The following MDH1 variants were observed in gnomAD, a reference collection of about 807,000 sequenced individuals.
MDH1 encodes malate dehydrogenase, cytoplasmic.
In MDH1, 15 loss-of-function variants were observed where a neutral mutation model predicts 38.7. The observed-to-expected ratio is 0.39, with a 90% confidence interval of 0.26 to 0.60. MDH1 has a LOEUF of 0.60. Ranked by LOEUF, MDH1 falls within the 20% of genes least tolerant of loss-of-function variation. The pLI is 0.56. For synonymous variants in MDH1, 144 were observed against 143.6 expected, an observed-to-expected ratio of 1.00 and a Z score of -0.02; for missense variants, 368 against 405.2, an observed-to-expected ratio of 0.91 and a Z score of 0.79.
chr2:63,595,435 G>T lies in MDH1; in HGVS notation c.115G>T (p.Val39Leu), dbSNP rs756384692. 6.2e-7 allele frequency: 1 copy of T among 1,608,312 alleles called. No homozygotes were observed. Among genetic ancestry groups the T allele is most frequent in the Admixed American group, 1.7e-5 (1 of 60,006 alleles). Residue 39 changes from valine (V) to leucine (L), a missense_variant, in exon 3 of 9, where the codon GTG becomes TTG. Transcript: ENST00000233114. ...VFGKDQPIIL[V>L]LLDITPMMGV... is the part of the protein sequence containing the mutation. ...TGCTATTTGGTAGCCTATAATTCTT[G>T]TGCTGTTGGATATCACCCCCATGAT... is the stretch of plus-strand genomic sequence containing the variant.
chr2:63,594,558 G>C lies in MDH1; in HGVS notation c.74G>C (p.Gly25Ala). The change falls in exon 2 of 9, where the codon GGA becomes GCA. Residue 25 changes from glycine (G) to alanine (A), a missense_variant. By Grantham distance (60) the Gly-to-Ala change is moderately conservative. Transcript: ENST00000233114. ...GCATATTCACTGCTGTACAGTATTGGAAATGGATCTGTCTTTGGTAAAGAT... is the reference window on the plus strand; with the variant it reads ...GCATATTCACTGCTGTACAGTATTGCAAATGGATCTGTCTTTGGTAAAGAT... ...QIAYSLLYSI[G>A]NGSVFGKDQP... is the part of the protein sequence containing the mutation. 1 of 1,613,536 alleles carries C rather than the reference G, an allele frequency of 6.2e-7. No individual in the cohort carries two copies. Among genetic ancestry groups the C allele is most frequent in the Non-Finnish European group, 8.5e-7 (1 of 1,179,558 alleles).
At chr2:63,606,569 A>T (rs979190844) in intron 8 of MDH1, among the ~76,000 whole-genome samples, 3 of 152,138 alleles carry the variant, frequency 2.0e-5, no homozygotes, top group African/African-American at 7.2e-5. Context: ...AGTATTAGAG[A>T]CCTACAAATA....
At chr2:63,596,902 C>T (rs1175336730) in intron 3 of MDH1, among the ~76,000 whole-genome samples, 1 of 152,176 alleles carries the variant, frequency 6.6e-6, no homozygotes, top group Non-Finnish European at 1.5e-5. Flanking sequence ...CTCAGTGTCT[C>T]CATCTATAAA....
chr2:63,602,934 C>CTTTTGTT (rs1709452776), intron 5 of MDH1, among the ~76,000 whole-genome samples: 19 of 131,620 alleles, frequency 1.4e-4, no homozygotes, highest in Admixed American at 2.3e-4. Context: ...TTTAACCGTT[C>CTTTTGTT]TTTTTTTTTT....
At position 63,599,219 on chromosome 2, in the gene MDH1, A is replaced by G. The variant is rs758691412; in HGVS notation, c.425A>G (p.Lys142Arg). 2.0e-5 allele frequency: 32 copies of G among 1,613,722 alleles called. No individual in the cohort carries two copies. The highest frequency in any genetic ancestry group is 6.7e-5 in the African/African-American group (5 of 74,932). ...AATACCAACTGCCTGACTGCTTCCA[A>G]GTCAGCTCCATCCATCCCCAAGGAG... ...PANTNCLTAS[K>R]SAPSIPKENF... The change falls in exon 5 of 9, where the codon AAG (lysine) becomes AGG (arginine). Residue 142 changes from lysine to arginine, a missense_variant. Lys to Arg is a conservative substitution (Grantham distance 26). Transcript: ENST00000233114.
intron 1 of MDH1, chr2:63,589,999 G>C (rs1157958507): frequency 6.5e-6 from 1 of 153,930 alleles, no homozygotes; most frequent in East Asian, 1.9e-4. Flanking sequence ...AAATTTCCCA[G>C]AACCTGAAAA....
intron 3 of MDH1, among the ~76,000 whole-genome samples, chr2:63,595,956 G>A (rs565084444): frequency 6.6e-6 from 1 of 152,232 alleles, no homozygotes; most frequent in African/African-American, 2.4e-5. Context: ...CATTGCTCTG[G>A]AAGTTGGTTG....
At chr2:63,590,677 T>C (rs1709179811) in intron 1 of MDH1, 1 of 152,164 alleles carries the variant, frequency 6.6e-6, no homozygotes, top group Non-Finnish European at 1.5e-5. Flanking sequence ...GTCACAGAGA[T>C]TTTGGGCCCC....
At chr2:63,601,205 G>C (rs1364945657) in intron 5 of MDH1, among the ~76,000 whole-genome samples, 1 of 152,230 alleles carries the variant, frequency 6.6e-6, no homozygotes, top group Non-Finnish European at 1.5e-5. Flanking sequence ...GGGAGTCATT[G>C]AAGAAGCACT....
chr2:63,589,034 G>A lies in MDH1; in HGVS notation c.-10G>A. On this transcript the variant is annotated 5_prime_UTR_variant, in exon 1 of 9. Coordinates refer to ENST00000233114, the MANE Select transcript of MDH1 (RefSeq NM_005917.4). ...TGCAGTTGTTGAAATTGTCCCCGCA[G>A]TTTTCAATCATGGTGAGTGTGGGCC... is the stretch of plus-strand genomic sequence containing the variant. 6.2e-7 allele frequency: 1 copy of A among 1,614,238 alleles called. No individual in the cohort carries two copies. Among genetic ancestry groups the A allele is most frequent in the Non-Finnish European group, 8.5e-7 (1 of 1,180,044 alleles).
intron 1 of MDH1, chr2:63,593,656 C>T (rs756043769): frequency 4.2e-6 from 2 of 471,496 alleles, no homozygotes; most frequent in Admixed American, 2.3e-5. Flanking sequence ...AGTGGAAGTA[C>T]ATTTACCCAG....
rs1709208439 is a variant in MDH1 at position 63,591,929 on chromosome 2, T to C, written c.4-2559T>C. 2.0e-5 allele frequency among the ~76,000 whole-genome samples: 3 copies of C among 152,344 alleles called. No individual in the cohort carries two copies. In the South Asian group the frequency reaches 6.2e-4, roughly 32 times the overall value. On this transcript the variant is annotated intron_variant, in intron 1 of 8. Transcript: ENST00000233114. The stretch of plus-strand genomic sequence containing the variant: ...TGCTATTATTATCTCCATTTTACTA[T>C]GGGGAAATAATACAGAAAGGTTAAG...
At chr2:63,601,731 G>A (rs1232461118) in intron 5 of MDH1, among the ~76,000 whole-genome samples, 1 of 152,196 alleles carries the variant, frequency 6.6e-6, no homozygotes, top group African/African-American at 2.4e-5. Flanking sequence ...AGCCAAGGAG[G>A]ACTGAGGGTG....
chr2:63,603,388 T>C (rs1260361267), intron 5 of MDH1, among the ~76,000 whole-genome samples: 1 of 152,226 alleles, frequency 6.6e-6, no homozygotes, highest in Non-Finnish European at 1.5e-5. Flanking sequence ...GCTTTATTTA[T>C]GTGTGCTAAA....
At chr2:63,604,908 G>A (rs770623721) in intron 6 of MDH1, 36 bp downstream of exon 6, 31 of 1,604,294 alleles carry the variant, frequency 1.9e-5, no homozygotes, top group Admixed American at 6.8e-5. Context: ...AACACTGAGC[G>A]TAAAGAACTC....
intron 5 of MDH1, among the ~76,000 whole-genome samples, chr2:63,601,054 T>C (rs1709408711): frequency 6.6e-6 from 1 of 152,202 alleles, no homozygotes; most frequent in Non-Finnish European, 1.5e-5. Context: ...ACTGCAGGGC[T>C]CAAGTCTGAA....
At chr2:63,594,422 T>C in intron 1 of MDH1, 66 bp from the exon 2 acceptor site, 1 of 1,184,984 alleles carries the variant, frequency 8.4e-7, no homozygotes, top group Non-Finnish European at 1.3e-6. Flanking sequence ...TACTATAGAT[T>C]AAAATCCTGG....
intron 1 of MDH1, among the ~76,000 whole-genome samples, chr2:63,592,059 C>T (rs1272551047): frequency 6.6e-6 from 1 of 152,194 alleles, no homozygotes; most frequent in African/African-American, 2.4e-5. Context: ...TCTACTGCTT[C>T]TCTAGCCCCC....
chr2:63,598,205 T>A (rs1709353676), intron 4 of MDH1: 1 of 152,256 alleles, frequency 6.6e-6, no homozygotes, highest in Non-Finnish European at 1.5e-5. Flanking sequence ...CTTGGCTCAC[T>A]GCAACCTCTG....
Sources: gnomAD v4.1 joint callset for allele counts (sites outside exome capture counted in the v4.1 genomes callset) on GRCh38, gnomAD v4.1.1 for gene constraint, MANE v1.5 for transcripts, NCBI Gene and HGNC (gene_info 2026-07-23, HGNC 2026-07-21) for gene names.